Variants in RTCB observed in about 807,000 individuals in gnomAD.
RTCB encodes the protein RNA 2',3'-cyclic phosphate and 5'-OH ligase.
A neutral mutation model predicts 58.2 loss-of-function variants in RTCB; 32 were observed. The ratio of observed to expected loss-of-function variants is 0.55; its 90% CI spans 0.41 to 0.74. The LOEUF (loss-of-function observed/expected upper bound fraction) is 0.74, where lower values mean the gene tolerates loss of function less well. Ranked by LOEUF, RTCB falls within the 30% of genes least tolerant of loss-of-function variation. The pLI is 0.00. For missense variants in RTCB, 523 were observed against 639.0 expected, an observed-to-expected ratio of 0.82 and a Z score of 1.96; for synonymous variants, 247 against 218.6, an observed-to-expected ratio of 1.13 and a Z score of -1.15.
chr22:32,396,331 C>T (rs1933246112), intron 7 of RTCB, 82 bp from the exon 8 acceptor site: 4 of 1,354,350 alleles, frequency 3.0e-6, no homozygotes, highest in Middle Eastern at 2.5e-4. Flanking sequence ...AGGTAGGCTA[C>T]ATTCAAATTC....
At chr22:32,408,892 T>C (rs1933473727) in intron 1 of RTCB, 59 bp from the exon 2 acceptor site, 1 of 1,140,078 alleles carries the variant, frequency 8.8e-7, no homozygotes, top group Non-Finnish European at 1.3e-6. Context: ...GTGTAGGCAC[T>C]GGACAGAATG....
At chr22:32,393,860 A>G in intron 10 of RTCB, 32 bp downstream of exon 10, 1 of 1,415,090 alleles carries the variant, frequency 7.1e-7, no homozygotes, top group African/African-American at 1.4e-5. Context: ...AACTGAAGAG[A>G]GCATTTCTAA....
At position 32,410,717 on chromosome 22, in the gene RTCB, CTTTTCTT is replaced by C. The variant is rs1387218867; in HGVS notation, c.93+1340_93+1346del. On this transcript the variant is annotated intron_variant, in intron 1 of 11. Transcript: ENST00000216038. ...AATCATGTCATGGTGTTTTCTTTTT[CTTTTCTT>C]TTTTTTTTTTTTTGAGACTCACTCT... Among the ~76,000 whole-genome samples, 163 of 120,018 alleles carry C rather than the reference CTTTTCTT, an allele frequency of 1.4e-3. 1 individual carries two copies. The highest frequency in any genetic ancestry group is 5.4e-3 in the African/African-American group (158 of 29,024). The allele number at this position is 120,018 out of a possible 152,430, so 78.7% of individuals were successfully genotyped here.
chr22:32,410,815 A>C lies in RTCB; in HGVS notation c.93+1249T>G, dbSNP rs182401604. Among the ~76,000 whole-genome samples the C allele has an allele frequency of 3.8e-3, 571 of 151,622 alleles. 2 individuals are homozygous for C. Among genetic ancestry groups the C allele is most frequent in the African/African-American group, 0.012 (514 of 41,328 alleles). ...ACTGCAGCCAAGATCTCCCAGGCTC[A>C]AGCGATCCCCCTGCCTCAGCCTCCT... On this transcript the variant is annotated intron_variant, in intron 1 of 11. Coordinates refer to ENST00000216038, the MANE Select transcript of RTCB (RefSeq NM_014306.5).
At chr22:32,399,845 A>G (rs1232241029) in intron 5 of RTCB, 86 bp from the exon 6 acceptor site, 49 of 1,264,340 alleles carry the variant, frequency 3.9e-5, no homozygotes, top group Non-Finnish European at 5.2e-5. Flanking sequence ...GGGCAGAGAA[A>G]AACTCGACAT....
intron 1 of RTCB, among the ~76,000 whole-genome samples, chr22:32,411,310 T>C (rs1176692811): frequency 6.6e-6 from 1 of 152,224 alleles, no homozygotes; most frequent in African/African-American, 2.4e-5. Context: ...GTTTTCTTTT[T>C]TCACATTAAT....
At chr22:32,407,681 C>T (rs1444698196) in intron 3 of RTCB, among the ~76,000 whole-genome samples, 3 of 152,242 alleles carry the variant, frequency 2.0e-5, no homozygotes, top group Non-Finnish European at 4.4e-5. Context: ...GTTCTTAACA[C>T]TTACAGATTC....
chr22:32,405,545 A>T (rs1933405589), intron 4 of RTCB, among the ~76,000 whole-genome samples: 1 of 152,194 alleles, frequency 6.6e-6, no homozygotes, highest in Non-Finnish European at 1.5e-5. Context: ...GGATCATTCA[A>T]ATCATGTATA....
intron 10 of RTCB, among the ~76,000 whole-genome samples, chr22:32,393,118 G>A (rs1933183468): frequency 6.6e-6 from 1 of 152,136 alleles, no homozygotes; most frequent in African/African-American, 2.4e-5. Flanking sequence ...AAGTTTTTGT[G>A]GAGACGGTGT....
At chr22:32,409,048 GTT>G (rs1933476715) in intron 1 of RTCB, among the ~76,000 whole-genome samples, 1 of 152,112 alleles carries the variant, frequency 6.6e-6, no homozygotes. Flanking sequence ...TTCACAAATT[GTT>G]TTGTTTATTC....
At chr22:32,402,667 T>G (rs1169256869) in intron 4 of RTCB, among the ~76,000 whole-genome samples, 1 of 131,748 alleles carries the variant, frequency 7.6e-6, no homozygotes, top group Non-Finnish European at 1.6e-5. Flanking sequence ...GCCAGGATGG[T>G]CTTGAACTCC....
intron 1 of RTCB, among the ~76,000 whole-genome samples, chr22:32,411,280 C>T (rs541666059): frequency 6.4e-4 from 98 of 152,304 alleles, no homozygotes; most frequent in Non-Finnish European, 1.2e-3. Flanking sequence ...TTTAAAAATA[C>T]GTTGCAAAAC....
intron 11 of RTCB, 54 bp from the exon 12 acceptor site, chr22:32,388,153 C>A: frequency 1.8e-6 from 2 of 1,091,166 alleles, no homozygotes; most frequent in Non-Finnish European, 2.8e-6. Context: ...ACAGTCTTTA[C>A]AAGCACCAAA....
At chr22:32,410,095 C>T (rs1024382717) in intron 1 of RTCB, among the ~76,000 whole-genome samples, 12 of 152,160 alleles carry the variant, frequency 7.9e-5, no homozygotes, top group African/African-American at 2.4e-4. Context: ...GGATTGCAGG[C>T]GTGAGCCACC....
intron 7 of RTCB, 54 bp downstream of exon 7, chr22:32,397,887 T>C (rs567490670): frequency 1.4e-5 from 22 of 1,544,888 alleles, no homozygotes; most frequent in Non-Finnish European, 1.8e-5. Context: ...CGCTCTTAAA[T>C]TTCTATCTGG....
rs1256177187 is a variant in RTCB, at chr22:32,387,828, G to A, written c.*164C>T. 3 of 557,624 alleles carry A rather than the reference G, an allele frequency of 5.4e-6. No individual in the cohort carries two copies. Among genetic ancestry groups the A allele is most frequent in the Non-Finnish European group, 9.7e-6 (3 of 309,726 alleles). 34.5% of individuals were successfully genotyped at this position (557,624 alleles called of 1,614,324 possible). ...CTGGAAGGTTATTTTACAAGCACGGGCCCCTGAAAGCAGCAGCCTCCCCAT... is the reference window on the plus strand; with the variant it reads ...CTGGAAGGTTATTTTACAAGCACGGACCCCTGAAAGCAGCAGCCTCCCCAT... On this transcript the variant is annotated 3_prime_UTR_variant, in exon 12 of 12. Transcript: ENST00000216038.
intron 7 of RTCB, among the ~76,000 whole-genome samples, chr22:32,397,339 C>T (rs967012249): frequency 1.8e-4 from 28 of 152,160 alleles, no homozygotes; most frequent in African/African-American, 6.3e-4. Flanking sequence ...TGTAATTGTC[C>T]AAACTGTGAG....
At chr22:32,401,590 A>G in intron 5 of RTCB, 157 bp downstream of exon 5, 1 of 704,534 alleles carries the variant, frequency 1.4e-6, no homozygotes, top group East Asian at 2.6e-5. Flanking sequence ...TCTCCAATAA[A>G]TGGGCTGTAC....
intron 10 of RTCB, chr22:32,392,586 A>G: frequency 1.5e-6 from 1 of 675,564 alleles, no homozygotes; most frequent in South Asian, 1.5e-5. Flanking sequence ...CAGTGTATTC[A>G]GCAGCATCCC....
Sources: gnomAD v4.1 joint callset for allele counts (sites outside exome capture counted in the v4.1 genomes callset) on GRCh38, gnomAD v4.1.1 for gene constraint, MANE v1.5 for transcripts, NCBI Gene and HGNC (gene_info 2026-07-23, HGNC 2026-07-21) for gene names.